ZNF536: variants seen among roughly 807,000 people sequenced by gnomAD.
ZNF536 encodes zinc finger protein 536.
In ZNF536, 13 loss-of-function variants were observed where a neutral mutation model predicts 84.5. The observed-to-expected ratio is 0.15, with a 90% confidence interval of 0.10 to 0.24. The LOEUF (loss-of-function observed/expected upper bound fraction) is 0.24, where lower values mean the gene tolerates loss of function less well. Among genes scored for constraint, ZNF536 ranks in the 10% least tolerant of loss-of-function variants. The probability of loss-of-function intolerance (pLI) is 1.00; values close to 1 mark genes in which losing one functional copy is unlikely to be tolerated. For missense variants in ZNF536, 1,536 were observed against 1,747.5 expected (o/e 0.88, Z 2.16); for synonymous variants, 811 against 742.5 (o/e 1.09, Z -1.50).
intron 1 of ZNF536, among the ~76,000 whole-genome samples, chr19:30,670,505 G>A (rs186814335): frequency 7.9e-5 from 12 of 152,324 alleles, no homozygotes; most frequent in East Asian, 1.9e-4. Flanking sequence ...TACTCAACAC[G>A]GGCTGTTAAT....
chr19:30,526,601 G>A (rs2044590071), intron 2 of ZNF536, among the ~76,000 whole-genome samples: 1 of 144,278 alleles, frequency 6.9e-6, no homozygotes, highest in South Asian at 2.2e-4. Context: ...GCGGGCGCCT[G>A]TAGTCCCAGC....
chr19:30,425,130 T>G (rs149614442), intron 1 of ZNF536, among the ~76,000 whole-genome samples: 1 of 151,812 alleles, frequency 6.6e-6, no homozygotes, highest in Non-Finnish European at 1.5e-5. Flanking sequence ...AGAGTACACA[T>G]TGGGTACAGT....
chr19:30,516,730 A>C (rs1235493295), intron 2 of ZNF536, among the ~76,000 whole-genome samples: 2 of 152,212 alleles, frequency 1.3e-5, no homozygotes, highest in East Asian at 1.9e-4. Context: ...ATTCCAAAGC[A>C]GCATGTCATT....
chr19:30,626,148 C>T (rs529003778), intron 1 of ZNF536, among the ~76,000 whole-genome samples: 114 of 152,268 alleles, frequency 7.5e-4, no homozygotes, highest in Non-Finnish European at 5.9e-5. Flanking sequence ...GAGACGGCTC[C>T]GGCCAGAGCA....
At chr19:30,437,706 G>A (rs1726264287) in intron 1 of ZNF536, among the ~76,000 whole-genome samples, 1 of 152,114 alleles carries the variant, frequency 6.6e-6, no homozygotes, top group South Asian at 2.1e-4. Context: ...CAGGACTGGG[G>A]GGGAATGTTG....
intron 1 of ZNF536, among the ~76,000 whole-genome samples, chr19:30,695,092 A>G (rs1363362309): frequency 6.6e-6 from 1 of 152,094 alleles, no homozygotes; most frequent in African/African-American, 2.4e-5. Flanking sequence ...ACCCCCTGGA[A>G]CACAGAGCAC....
At chr19:30,267,306 A>G (rs1479363498) in intron 1 of ZNF536, among the ~76,000 whole-genome samples, 1 of 152,168 alleles carries the variant, frequency 6.6e-6, no homozygotes, top group Non-Finnish European at 1.5e-5. Context: ...TACATTCCTG[A>G]TTACTTAGAG....
At chr19:30,585,425 T>C (rs1458386514) in intron 1 of ZNF536, among the ~76,000 whole-genome samples, 4 of 152,108 alleles carry the variant, frequency 2.6e-5, no homozygotes, top group Non-Finnish European at 5.9e-5. Context: ...GATGAACAAA[T>C]GAATGAAGTA....
intron 1 of ZNF536, among the ~76,000 whole-genome samples, chr19:30,374,861 C>G (rs1433688883): frequency 6.6e-6 from 1 of 151,188 alleles, no homozygotes; most frequent in African/African-American, 2.4e-5. Flanking sequence ...GGAGACTGGC[C>G]CCCCGCCCGG....
chr19:30,615,235 G>A (rs546327972), intron 1 of ZNF536, among the ~76,000 whole-genome samples: 7 of 150,440 alleles, frequency 4.7e-5, no homozygotes, highest in African/African-American at 7.5e-5. Flanking sequence ...GTGAGCCACC[G>A]CGCCCGGCCT....
intron 1 of ZNF536, among the ~76,000 whole-genome samples, chr19:30,409,156 C>G (rs2050384189): frequency 6.6e-6 from 1 of 152,138 alleles, no homozygotes; most frequent in East Asian, 1.9e-4. Flanking sequence ...TCCATCTATC[C>G]ATATCTTTCT....
intron 1 of ZNF536, among the ~76,000 whole-genome samples, chr19:30,699,409 A>G (rs2051799062): frequency 6.6e-6 from 1 of 152,220 alleles, no homozygotes; most frequent in South Asian, 2.1e-4. Context: ...ATGCACTTGT[A>G]AAATAAGTAC....
intron 1 of ZNF536, among the ~76,000 whole-genome samples, chr19:30,631,007 G>C (rs2048867825): frequency 6.6e-6 from 1 of 152,118 alleles, no homozygotes; most frequent in South Asian, 2.1e-4. Flanking sequence ...CCTCCCTCGA[G>C]GTGTGCTTGT....
rs1568439894 is a variant in ZNF536 at position 30,445,770 on chromosome 19, AGCAGCCCTGCTCAGGGCT to A, written c.2170+41_2170+58del. ...AGAAGCGGGGAGAAGCAGCTTGTAC[AGCAGCCCTGCTCAGGGCT>A]GCCTGGTTCTGCTCCCAGGCCTCCA... On this transcript the variant is annotated intron_variant, in intron 2 of 4. Coordinates refer to ENST00000355537, the MANE Select transcript of ZNF536 (RefSeq NM_014717.3). This position sits in a 1 kb window ranked among gnomAD's most constrained non-coding sequence, Gnocchi z 4.5. 6.6e-7 allele frequency: 1 copy of A among 1,524,034 alleles called. No individual in the cohort carries two copies. The highest frequency in any genetic ancestry group is 2.3e-5 in the East Asian group (1 of 44,074). The allele number at this position is 1,524,034 out of a possible 1,614,324, so 94.4% of individuals were successfully genotyped here. A position where few individuals can be genotyped will look rare whatever the true frequency, so the allele number is the denominator to read the frequency against.
At chr19:30,462,638 G>T (rs895077449) in intron 2 of ZNF536, among the ~76,000 whole-genome samples, 1 of 152,152 alleles carries the variant, frequency 6.6e-6, no homozygotes, top group Non-Finnish European at 1.5e-5. Flanking sequence ...TGTGGCATTT[G>T]GGTGTGCAAT....
At chr19:30,602,595 G>T (rs1476825176) in intron 1 of ZNF536, among the ~76,000 whole-genome samples, 1 of 152,154 alleles carries the variant, frequency 6.6e-6, no homozygotes, top group Non-Finnish European at 1.5e-5. Flanking sequence ...AGGTCCCATG[G>T]CCTGGTCCTG....
At chr19:30,697,226 C>T (rs1196394266) in intron 1 of ZNF536, among the ~76,000 whole-genome samples, 3 of 152,134 alleles carry the variant, frequency 2.0e-5, no homozygotes, top group South Asian at 2.1e-4. Context: ...AAATGGTCCC[C>T]ATGATCCAAT....
chr19:30,483,062 C>G (rs1489869162), intron 2 of ZNF536, among the ~76,000 whole-genome samples: 2 of 152,194 alleles, frequency 1.3e-5, no homozygotes, highest in East Asian at 3.8e-4. Flanking sequence ...TTCTGACTCC[C>G]ATCCTCCAGG....
At chr19:30,529,609 G>A (rs906237676) in intron 2 of ZNF536, among the ~76,000 whole-genome samples, 3 of 152,304 alleles carry the variant, frequency 2.0e-5, no homozygotes, top group Middle Eastern at 3.4e-3. Context: ...AAGAACAAGC[G>A]AATGGGCATG....
Sources: gnomAD v4.1 joint callset for allele counts (sites outside exome capture counted in the v4.1 genomes callset) on GRCh38, gnomAD v4.1.1 for gene constraint, Gnocchi (gnomAD v3.1) non-coding constraint, MANE v1.5 for transcripts, NCBI Gene and HGNC (gene_info 2026-07-23, HGNC 2026-07-21) for gene names.